ITGB4: variants seen among roughly 807,000 people sequenced by gnomAD.
ITGB4 encodes integrin beta-4.
ITGB4 carries 159 observed loss-of-function variants against 207.6 expected under a neutral mutation model. That is an observed-to-expected ratio of 0.77 (90% CI 0.67 to 0.87). The LOEUF is 0.87. Among genes scored for constraint, ITGB4 ranks in the 40% least tolerant of loss-of-function variants. The pLI is 0.00. For synonymous variants in ITGB4, 1,020 were observed against 1,062.7 expected (o/e 0.96, Z 0.78); for missense variants, 2,278 against 2,546.8 (o/e 0.89, Z 2.27).
chr17:75,740,086 G>C lies in ITGB4; in HGVS notation c.2446+15G>C. 6.2e-7 allele frequency: 1 copy of C among 1,606,036 alleles called. No homozygotes were observed. The highest frequency in any genetic ancestry group is 1.1e-5 in the South Asian group (1 of 90,356). The stretch of plus-strand genomic sequence containing the variant: ...CACAGAGCTGGGTGAGGGCGGGGCT[G>C]GGCGCCACAGCTCTGGGCAGTGCCC... On this transcript the variant is annotated intron_variant, in intron 20 of 39. Transcript: ENST00000200181. This position sits in a 1 kb window ranked among gnomAD's most constrained non-coding sequence, Gnocchi z 5.9.
chr17:75,755,796 CGG>C lies in ITGB4; in HGVS notation c.4655_4656del (p.Arg1552LeufsTer19). 1 of 1,611,000 alleles carries C rather than the reference CGG, an allele frequency of 6.2e-7. No individual in the cohort carries two copies. The highest frequency in any genetic ancestry group is 8.5e-7 in the Non-Finnish European group (1 of 1,179,876). ...TCTCAGAGTGAGCTGGCAGGAGCCG[CGG>C]TGCGAGCGGCCGCTGCAGGGCTACA... ...TSLRVSWQEPRCERPLQGYSV... is the reference protein window; with the variant it reads ...TSLRVSWQEPXCERPLQGYSV... On this transcript the variant is annotated frameshift_variant, in exon 35 of 40. Coordinates refer to ENST00000200181, the MANE Select transcript of ITGB4 (RefSeq NM_000213.5). LOFTEE classifies it high-confidence loss of function.
Position 75,756,476 on chromosome 17 carries a change from G to T in ITGB4, c.4756G>T (p.Val1586Leu). Residue 1586 changes from valine (V) to leucine (L), a missense_variant, in exon 36 of 40, where the codon GTG becomes TTG. Physicochemically the swap from Val to Leu is conservative, Grantham distance 32 (BLOSUM62 1). Transcript: ENST00000200181. ...CCCCAACCCTGCCCAGACCTCGGTG[G>T]TGGTGGAAGACCTCCTGCCCAACCA... ...NIPNPAQTSV[V>L]VEDLLPNHSY... The T allele has an allele frequency of 6.2e-7, 1 of 1,613,368 alleles. No individual in the cohort carries two copies. Among genetic ancestry groups the T allele is most frequent in the Non-Finnish European group, 8.5e-7 (1 of 1,180,010 alleles).
intron 6 of ITGB4, 28 bp downstream of exon 6, chr17:75,728,501 G>A (rs2060775128): frequency 1.9e-6 from 3 of 1,567,866 alleles, no homozygotes; most frequent in Non-Finnish European, 2.6e-6. Flanking sequence ...TCCCGCAGGT[G>A]GGCAAGGGTC....
At chr17:75,735,412 C>CTT (rs71361693) in intron 13 of ITGB4, among the ~76,000 whole-genome samples, 6,023 of 102,834 alleles carry the variant, frequency 0.059, 298 homozygotes, top group Non-Finnish European at 0.062. Flanking sequence ...TTTTTCTTTT[C>CTT]TTTTTTTTTT....
In ITGB4 at chr17:75,722,682, G is replaced by T. The variant is rs1182635937; in HGVS notation, c.-11+1070G>T. On this transcript the variant is annotated intron_variant, in intron 1 of 39. Coordinates refer to ENST00000200181, the MANE Select transcript of ITGB4 (RefSeq NM_000213.5). The surrounding 1 kb of genome is among the most constrained non-coding windows in gnomAD (Gnocchi z 6.2). ...GGGAGAGGATAGTGGACAGGAGCAG[G>T]TGTGCCCAGAGGGGTCCCCAGGGGT... Among the ~76,000 whole-genome samples, 1 of 152,086 alleles carries T rather than the reference G, an allele frequency of 6.6e-6. No individual in the cohort carries two copies. The highest frequency in any genetic ancestry group is 2.4e-5 in the African/African-American group (1 of 41,428).
At chr17:75,741,273 C>A (rs2061102894) in intron 23 of ITGB4, among the ~76,000 whole-genome samples, 1 of 152,148 alleles carries the variant, frequency 6.6e-6, no homozygotes, top group Non-Finnish European at 1.5e-5. Context: ...ACTGTCCAGC[C>A]CCCCACCCGG....
rs879082357 is a variant in ITGB4 at position 75,750,653 on chromosome 17, G to A, written c.3475-27G>A. On this transcript the variant is annotated intron_variant, in intron 28 of 39. Coordinates refer to ENST00000200181, the MANE Select transcript of ITGB4 (RefSeq NM_000213.5). The surrounding 1 kb of genome is among the most constrained non-coding windows in gnomAD (Gnocchi z 5.5). ...GCTTGGGTGCCTGCTGCTCCCTGCTGACCAGGACCCCTGTCCCTGGGGGTA... is the reference window on the plus strand; with the variant it reads ...GCTTGGGTGCCTGCTGCTCCCTGCTAACCAGGACCCCTGTCCCTGGGGGTA... The A allele has an allele frequency of 1.2e-6, 2 of 1,609,060 alleles. No homozygotes were observed. The highest frequency in any genetic ancestry group is 2.2e-5 in the South Asian group (2 of 90,806).
rs747930115 is a variant in ITGB4 at position 75,753,793 on chromosome 17, G to C, written c.4137G>C (p.Leu1379=). ...GCGGCTGGAAGTTCGAGCCCCTGCTGGGGGAGGAGCTGGACCTGCGGCGCG... is the reference window on the plus strand; with the variant it reads ...GCGGCTGGAAGTTCGAGCCCCTGCTCGGGGAGGAGCTGGACCTGCGGCGCG... ...TGCGWKFEPL[L]GEELDLRRVT... is the part of the protein sequence containing the mutation. Residue 1379 remains leucine, a synonymous_variant, in exon 33 of 40, where the codon CTG becomes CTC. Transcript: ENST00000200181. 10 of 1,459,708 alleles carry C rather than the reference G, an allele frequency of 6.9e-6. No homozygotes were observed. The highest frequency in any genetic ancestry group is 4.2e-5 in the South Asian group (3 of 70,596). 90.4% of individuals were successfully genotyped at this position (1,459,708 alleles called of 1,614,324 possible).
chr17:75,739,953 G>T lies in ITGB4; in HGVS notation c.2328G>T (p.Thr776=), dbSNP rs148267210. The T allele has an allele frequency of 3.7e-5, 59 of 1,613,282 alleles. No homozygotes were observed. The East Asian group carries it at 1.2e-3, about 32-fold the overall frequency. Residue 776 remains threonine (T), a synonymous_variant, in exon 20 of 40, where the codon ACG becomes ACT. Coordinates refer to ENST00000200181, the MANE Select transcript of ITGB4 (RefSeq NM_000213.5). This position sits in a 1 kb window ranked among gnomAD's most constrained non-coding sequence, Gnocchi z 5.4. Reference sequence around the variant, plus strand: ...TGATGGCCTCTGACCACTTGGACACGCCCATGCTGCGCAGCGGGAACCTCA... The same window carrying T: ...TGATGGCCTCTGACCACTTGGACACTCCCATGCTGCGCAGCGGGAACCTCA... ...ENLMASDHLD[T]PMLRSGNLKG...
At chr17:75,741,741 G>A (rs1009910798) in intron 23 of ITGB4, among the ~76,000 whole-genome samples, 2 of 152,040 alleles carry the variant, frequency 1.3e-5, no homozygotes, top group African/African-American at 4.8e-5. Context: ...GGGAGGCAGA[G>A]GTTGCAGTGA....
intron 34 of ITGB4, chr17:75,755,194 A>T (rs1337085802): frequency 1.2e-6 from 2 of 1,604,910 alleles, no homozygotes; most frequent in East Asian, 4.5e-5. Context: ...GGAGGCCAGC[A>T]GCGCCCTCCT....
In ITGB4 at chr17:75,742,797, G is replaced by C; in HGVS notation, c.2962+36G>C. 6.4e-7 allele frequency: 1 copy of C among 1,574,704 alleles called. No individual in the cohort carries two copies. The highest frequency in any genetic ancestry group is 1.3e-5 in the African/African-American group (1 of 74,654). The stretch of plus-strand genomic sequence containing the variant: ...GTGGGGAGAGTGGGGAAGGCAGACG[G>C]GGGCTCGGGGGCACTGGTTCCTCCT... On this transcript the variant is annotated intron_variant, in intron 25 of 39. Coordinates refer to ENST00000200181, the MANE Select transcript of ITGB4 (RefSeq NM_000213.5). The surrounding 1 kb of genome is among the most constrained non-coding windows in gnomAD (Gnocchi z 5.9).
intron 26 of ITGB4, among the ~76,000 whole-genome samples, chr17:75,744,613 C>T (rs1345341433): frequency 1.3e-5 from 2 of 152,180 alleles, no homozygotes; most frequent in Non-Finnish European, 1.5e-5. Context: ...TCCCCAAGGG[C>T]TGTCACAATT....
At chr17:75,755,162 C>G (rs748835678) in intron 34 of ITGB4, 3 of 1,611,488 alleles carry the variant, frequency 1.9e-6, no homozygotes, top group African/African-American at 1.3e-5. Flanking sequence ...CAGGGGCCCA[C>G]GAGACTCTAT....
chr17:75,732,060 A>G lies in ITGB4; in HGVS notation c.1377+87A>G. On this transcript the variant is annotated intron_variant, in intron 11 of 39. Coordinates refer to ENST00000200181, the MANE Select transcript of ITGB4 (RefSeq NM_000213.5). The surrounding 1 kb of genome is among the most constrained non-coding windows in gnomAD (Gnocchi z 5.3). ...GAATGAAGCAGGACTCCTGTGCCCC[A>G]TATCCCTTGTGGGGTTTCCCGAGGC... The G allele has an allele frequency of 6.2e-7, 1 of 1,608,556 alleles. No individual in the cohort carries two copies.
downstream of ITGB4, chr17:75,757,818 AG>A (rs1156285986): frequency 6.0e-6 from 4 of 661,284 alleles, no homozygotes; most frequent in Non-Finnish European, 1.0e-5. Flanking sequence ...TGCTACTGCT[AG>A]GCCCTGCCTT....
Position 75,757,646 on chromosome 17 carries a change from T to TG in ITGB4, c.*96dup. The TG allele has an allele frequency of 6.4e-7, 1 of 1,565,986 alleles. No homozygotes were observed. The highest frequency in any genetic ancestry group is 8.8e-7 in the Non-Finnish European group (1 of 1,139,088). ...CTCAGCTACTCCATCCTTGCACCCC[T>TG]GGGGGCCCAGCCCACCCGCATGCAC... On this transcript the variant is annotated 3_prime_UTR_variant, in exon 40 of 40. Transcript: ENST00000200181.
At position 75,751,004 on chromosome 17, in the gene ITGB4, A is replaced by G; in HGVS notation, c.3686A>G (p.Asn1229Ser). The change falls in exon 30 of 40, where the codon AAT becomes AGT. Residue 1229 changes from asparagine to serine, a missense_variant. Asn to Ser is a conservative substitution (Grantham distance 46, BLOSUM62 1). Transcript: ENST00000200181. ...AGCGAGCCAGGGCGTCTGGCCTTCA[A>G]TGTCGTCTCCTCCACGGTGACCCAG... ...VPSEPGRLAFNVVSSTVTQLS... is the reference protein window; with the variant it reads ...VPSEPGRLAFSVVSSTVTQLS... The G allele has an allele frequency of 6.2e-7, 1 of 1,613,714 alleles. No individual in the cohort carries two copies. Among genetic ancestry groups the G allele is most frequent in the Non-Finnish European group, 8.5e-7 (1 of 1,180,012 alleles).
Position 75,732,048 on chromosome 17 carries a change from C to G in ITGB4, c.1377+75C>G. The G allele has an allele frequency of 1.2e-6, 2 of 1,609,674 alleles. No homozygotes were observed. The highest frequency in any genetic ancestry group is 1.7e-4 in the Middle Eastern group (1 of 6,052). On this transcript the variant is annotated intron_variant, in intron 11 of 39. Coordinates refer to ENST00000200181, the MANE Select transcript of ITGB4 (RefSeq NM_000213.5). This position sits in a 1 kb window ranked among gnomAD's most constrained non-coding sequence, Gnocchi z 5.3. ...AGGGACCCTGAGGAATGAAGCAGGA[C>G]TCCTGTGCCCCATATCCCTTGTGGG...
Sources: allele counts gnomAD v4.1 joint callset (sites outside exome capture counted in the v4.1 genomes callset), GRCh38; gene constraint gnomAD v4.1.1; non-coding constraint Gnocchi (gnomAD v3.1); transcripts MANE v1.5; gene names NCBI Gene and HGNC (gene_info 2026-07-23, HGNC 2026-07-21).